THSD4: variants seen among roughly 807,000 people sequenced by gnomAD.
THSD4 encodes the protein thrombospondin type 1 domain containing 4.
In THSD4, 69 loss-of-function variants were observed where a neutral mutation model predicts 119.0. That is an observed-to-expected ratio of 0.58 (90% CI 0.48 to 0.71). THSD4 has a LOEUF of 0.71. THSD4 is among the 30% of genes least tolerant of loss of function. THSD4 has a pLI of 0.00. For synonymous variants in THSD4, 524 were observed against 540.4 expected (o/e 0.97, Z 0.42); for missense variants, 1,393 against 1,391.1 (o/e 1.00, Z -0.02).
At chr15:71,675,014 GT>G (rs1418086615) in intron 8 of THSD4, among the ~76,000 whole-genome samples, 1 of 152,090 alleles carries the variant, frequency 6.6e-6, no homozygotes, top group African/African-American at 2.4e-5. Context: ...TTGAATGACC[GT>G]TTTATGTACC....
intron 6 of THSD4, among the ~76,000 whole-genome samples, chr15:71,311,251 T>A (rs1294909775): frequency 6.6e-6 from 1 of 152,142 alleles, no homozygotes; most frequent in Non-Finnish European, 1.5e-5. Flanking sequence ...TAACATAGAT[T>A]TCCAGGGAGT....
At chr15:71,302,603 G>A (rs934841945) in intron 6 of THSD4, among the ~76,000 whole-genome samples, 3 of 152,138 alleles carry the variant, frequency 2.0e-5, no homozygotes, top group African/African-American at 7.2e-5. Context: ...GGTGCTGGGG[G>A]CAGTGAGCAA....
At chr15:71,491,911 A>C (rs563534887) in intron 7 of THSD4, among the ~76,000 whole-genome samples, 1 of 152,316 alleles carries the variant, frequency 6.6e-6, no homozygotes, top group East Asian at 1.9e-4. Context: ...TTTTATTTAT[A>C]AACTACCCAG....
At chr15:71,634,198 A>AAAAAG (rs1555434373) in intron 7 of THSD4, among the ~76,000 whole-genome samples, 6 of 147,368 alleles carry the variant, frequency 4.1e-5, no homozygotes, top group Admixed American at 2.0e-4. Context: ...AAAAAAAAAA[A>AAAAAG]AAAAAGAAAA....
At chr15:71,501,711 T>C (rs1013468895) in intron 7 of THSD4, among the ~76,000 whole-genome samples, 6 of 152,256 alleles carry the variant, frequency 3.9e-5, no homozygotes, top group African/African-American at 1.4e-4. Context: ...CTTCCCACTT[T>C]TGGATAAAAT....
At chr15:71,317,812 G>A (rs2045210445) in intron 6 of THSD4, among the ~76,000 whole-genome samples, 1 of 152,146 alleles carries the variant, frequency 6.6e-6, no homozygotes, top group Non-Finnish European at 1.5e-5. Flanking sequence ...CCTCTTCCAG[G>A]TTTATTTTCC....
intron 1 of THSD4, among the ~76,000 whole-genome samples, chr15:71,109,601 G>T (rs1305021995): frequency 6.6e-6 from 1 of 152,142 alleles, no homozygotes; most frequent in Non-Finnish European, 1.5e-5. Flanking sequence ...TTCTACGATG[G>T]GATGGCCAGA....
intron 7 of THSD4, among the ~76,000 whole-genome samples, chr15:71,507,472 C>G (rs1055064259): frequency 3.3e-5 from 5 of 151,872 alleles, no homozygotes; most frequent in South Asian, 2.1e-4. Context: ...AAGGCCTGTA[C>G]TTAGTTGTGT....
At chr15:71,609,030 G>T (rs949738956) in intron 7 of THSD4, among the ~76,000 whole-genome samples, 1 of 152,146 alleles carries the variant, frequency 6.6e-6, no homozygotes, top group Non-Finnish European at 1.5e-5. Flanking sequence ...TAAAGTCCAG[G>T]ATCCCCTTGG....
intron 1 of THSD4, among the ~76,000 whole-genome samples, chr15:71,121,704 C>G (rs1439661079): frequency 6.6e-6 from 1 of 152,178 alleles, no homozygotes; most frequent in Non-Finnish European, 1.5e-5. Context: ...TGCACTGGCT[C>G]TGCTCCTTGC....
intron 7 of THSD4, among the ~76,000 whole-genome samples, chr15:71,453,463 T>C (rs2140589636): frequency 6.6e-6 from 1 of 152,308 alleles, no homozygotes; most frequent in African/African-American, 2.4e-5. Context: ...CAACACGGTG[T>C]CACCTGCCAC....
Position 71,777,327 on chromosome 15 carries a change from T to C in THSD4, c.3010T>C (p.Cys1004Arg). 1.9e-6 allele frequency: 3 copies of C among 1,614,228 alleles called. No individual in the cohort carries two copies. The highest frequency in any genetic ancestry group is 1.7e-6 in the Non-Finnish European group (2 of 1,180,038). The part of the protein sequence containing the change: ...NYYKTACCAS[C>R]TRVANRQTGF... ...CTACAAGACCGCCTGCTGTGCCTCC[T>C]GCACCCGTGTGGCCAACAGGCAGAC... The change falls in exon 18 of 18, where the codon TGC becomes CGC. Residue 1004 changes from cysteine to arginine, a missense_variant. Physicochemically the swap from Cys to Arg is radical, Grantham distance 180 (BLOSUM62 -3). Transcript: ENST00000261862.
In THSD4 at chr15:71,746,901, G is replaced by C. The variant is rs1396177655; in HGVS notation, c.2100G>C (p.Gln700His). 1.2e-6 allele frequency: 2 copies of C among 1,613,988 alleles called. No individual in the cohort carries two copies. Among genetic ancestry groups the C allele is most frequent in the Non-Finnish European group, 1.7e-6 (2 of 1,180,044 alleles). ...KTCGLGMQHR[Q>H]VLCRQVYANR... is the part of the protein sequence containing the mutation. ...GTGGCCTGGGCATGCAGCACCGCCA[G>C]GTTCTGTGCCGCCAGGTGTACGCCA... Residue 700 changes from glutamine to histidine, a missense_variant, in exon 13 of 18, where the codon CAG (glutamine) becomes CAC (histidine). By Grantham distance (24) the Gln-to-His change is conservative (BLOSUM62 0). Transcript: ENST00000261862.
At chr15:71,206,521 A>AT (rs1210383406) in intron 3 of THSD4, among the ~76,000 whole-genome samples, 1 of 152,198 alleles carries the variant, frequency 6.6e-6, no homozygotes, top group African/African-American at 2.4e-5. Context: ...AACTAAACCT[A>AT]CTTTTTCCAG....
chr15:71,465,598 T>C (rs2047487946), intron 7 of THSD4, among the ~76,000 whole-genome samples: 1 of 152,196 alleles, frequency 6.6e-6, no homozygotes, highest in African/African-American at 2.4e-5. Context: ...AAATTTAAGA[T>C]TTATATTTGT....
chr15:71,369,694 T>C (rs1293020826), intron 6 of THSD4, among the ~76,000 whole-genome samples: 2 of 152,242 alleles, frequency 1.3e-5, no homozygotes, highest in Admixed American at 6.5e-5. Flanking sequence ...CAGTATTTTA[T>C]TGAGGATTTT....
In THSD4 at chr15:71,562,591, G is replaced by C. The variant is rs189904840; in HGVS notation, c.1153-97939G>C. The stretch of plus-strand genomic sequence containing the variant: ...GTGTAGCAGAAAAGCAGGAACCTGA[G>C]AACTGCCAGGGCCTAAATGTAATGT... On this transcript the variant is annotated intron_variant, in intron 7 of 17. Coordinates refer to ENST00000261862, the MANE Select transcript of THSD4 (RefSeq NM_024817.3). Among the ~76,000 whole-genome samples the C allele has an allele frequency of 2.0e-5, 3 of 147,032 alleles. No individual in the cohort carries two copies. In the East Asian group the frequency reaches 6.0e-4, roughly 29 times the overall value.
At chr15:71,325,029 G>A (rs1431312223) in intron 6 of THSD4, among the ~76,000 whole-genome samples, 1 of 151,990 alleles carries the variant, frequency 6.6e-6, no homozygotes, top group Non-Finnish European at 1.5e-5. Flanking sequence ...ATCTCATTGT[G>A]GTTTTCATTT....
intron 7 of THSD4, among the ~76,000 whole-genome samples, chr15:71,570,797 G>A (rs1595893554): frequency 6.6e-6 from 1 of 152,246 alleles, no homozygotes; most frequent in East Asian, 1.9e-4. Flanking sequence ...GTCTTCAACT[G>A]GAAAATAAGA....
Sources: gnomAD v4.1 joint callset for allele counts (sites outside exome capture counted in the v4.1 genomes callset) on GRCh38, gnomAD v4.1.1 for gene constraint, MANE v1.5 for transcripts, NCBI Gene and HGNC (gene_info 2026-07-23, HGNC 2026-07-21) for gene names.